Variants in ATPAF2 observed in about 807,000 individuals in gnomAD.
ATPAF2 encodes the protein ATP synthase mitochondrial F1 complex assembly factor 2.
A neutral mutation model predicts 36.6 loss-of-function variants in ATPAF2; 30 were observed. The ratio of observed to expected loss-of-function variants is 0.82; its 90% CI spans 0.61 to 1.11. ATPAF2 has a LOEUF of 1.11. ATPAF2 is among the 50% of genes most tolerant of loss of function. The probability of loss-of-function intolerance (pLI) is 0.00; values close to 1 mark genes in which losing one functional copy is unlikely to be tolerated. For synonymous variants in ATPAF2, 140 were observed against 152.6 expected, an observed-to-expected ratio of 0.92 and a Z score of 0.61; for missense variants, 321 against 372.3, an observed-to-expected ratio of 0.86 and a Z score of 1.13.
intron 1 of ATPAF2, among the ~76,000 whole-genome samples, chr17:18,034,591 T>G (rs2044679916): frequency 6.6e-6 from 1 of 152,060 alleles, no homozygotes. Context: ...CAACAAGTGT[T>G]GAGATATAGA....
At chr17:18,020,203 G>A (rs1396538344) in intron 7 of ATPAF2, among the ~76,000 whole-genome samples, 1 of 152,194 alleles carries the variant, frequency 6.6e-6, no homozygotes. Context: ...CTGCAAAGAT[G>A]GCTATAATTT....
chr17:18,019,706 C>G (rs997777296), intron 7 of ATPAF2, among the ~76,000 whole-genome samples: 1 of 152,250 alleles, frequency 6.6e-6, no homozygotes, highest in Non-Finnish European at 1.5e-5. Flanking sequence ...CCTGGCCGCC[C>G]CAGCTCATCC....
intron 7 of ATPAF2, 68 bp downstream of exon 7, chr17:18,021,055 T>C: frequency 1.3e-6 from 2 of 1,552,552 alleles, no homozygotes; most frequent in Non-Finnish European, 1.7e-6. Flanking sequence ...TTCAGATGGG[T>C]TAGCTGCTCC....
At chr17:18,036,748 A>G (rs915965854) in intron 1 of ATPAF2, among the ~76,000 whole-genome samples, 5 of 152,206 alleles carry the variant, frequency 3.3e-5, no homozygotes, top group Non-Finnish European at 2.9e-5. Context: ...AAGTGCCACC[A>G]TTATGTAAAG....
At chr17:18,037,346 T>G (rs2044717613) in intron 1 of ATPAF2, among the ~76,000 whole-genome samples, 1 of 152,110 alleles carries the variant, frequency 6.6e-6, no homozygotes, top group Admixed American at 6.5e-5. Flanking sequence ...TCCCAGCACT[T>G]TGGGAGGCCG....
chr17:18,039,056 G>C lies in ATPAF2; in HGVS notation c.-43C>G. 1 of 1,560,404 alleles carries C rather than the reference G, an allele frequency of 6.4e-7. No homozygotes were observed. Among genetic ancestry groups the C allele is most frequent in the Non-Finnish European group, 8.7e-7 (1 of 1,152,290 alleles). ...GAAGATGCGAGACGCGAAACCTGGA[G>C]CAGGAAACACAGAGCGATGGGATCC... On this transcript the variant is annotated 5_prime_UTR_variant, in exon 1 of 8. Coordinates refer to ENST00000474627, the MANE Select transcript of ATPAF2 (RefSeq NM_145691.4). This position sits in a 1 kb window ranked among gnomAD's most constrained non-coding sequence, Gnocchi z 5.3.
chr17:18,019,148 C>CACACAG (rs1491222629), intron 7 of ATPAF2, among the ~76,000 whole-genome samples: 2 of 682 alleles, frequency 2.9e-3, no homozygotes, highest in Non-Finnish European at 6.7e-3. Flanking sequence ...TCAAAAACAC[C>CACACAG]ACACACACAC....
rs190082707 is a variant in ATPAF2, at chr17:18,038,607, C to G, written c.133+274G>C. Among the ~76,000 whole-genome samples, 400 of 152,328 alleles carry G rather than the reference C, an allele frequency of 2.6e-3. 1 individual carries two copies. The highest frequency in any genetic ancestry group is 3.4e-3 in the Middle Eastern group (1 of 294). On this transcript the variant is annotated intron_variant, in intron 1 of 7. Coordinates refer to ENST00000474627, the MANE Select transcript of ATPAF2 (RefSeq NM_145691.4). ...CCCCTTTTGAAAACAAAGATGACAC[C>G]TGCTTTCCTTATTAAAGGGAGGGCA... is the stretch of plus-strand genomic sequence containing the variant.
intron 1 of ATPAF2, among the ~76,000 whole-genome samples, chr17:18,031,491 GT>G (rs985694186): frequency 5.1e-4 from 78 of 151,866 alleles, no homozygotes; most frequent in African/African-American, 1.8e-3. Context: ...AGTTTAAAGT[GT>G]TTTTTTAGGC....
intron 5 of ATPAF2, among the ~76,000 whole-genome samples, chr17:18,024,169 A>G (rs1310418691): frequency 6.6e-6 from 1 of 152,242 alleles, no homozygotes. Flanking sequence ...ACATGCATCA[A>G]TTCATTTATT....
At position 18,028,372 on chromosome 17, in the gene ATPAF2, A is replaced by G. The variant is rs1335048191; in HGVS notation, c.184T>C (p.Phe62Leu). ...NVSITQGEGG[F>L]EINLDHRKLK... ...TTCCTGTGGTCCAGGTTTATCTCAA[A>G]GCCACCTTGAAAGATCAAATGAAAA... The change falls in exon 3 of 8, where the codon TTT (phenylalanine) becomes CTT (leucine). Residue 62 changes from phenylalanine (F) to leucine (L), a missense_variant. Coordinates refer to ENST00000474627, the MANE Select transcript of ATPAF2 (RefSeq NM_145691.4). 6.2e-7 allele frequency: 1 copy of G among 1,613,928 alleles called. No individual in the cohort carries two copies. The highest frequency in any genetic ancestry group is 2.2e-5 in the East Asian group (1 of 44,892).
In ATPAF2 at chr17:18,039,164, C is replaced by T. The variant is rs2044753263; in HGVS notation, c.-151G>A. The T allele has an allele frequency of 8.8e-7, 1 of 1,136,910 alleles. No homozygotes were observed. The highest frequency in any genetic ancestry group is 1.3e-6 in the Non-Finnish European group (1 of 792,120). 70.4% of individuals were successfully genotyped at this position (1,136,910 alleles called of 1,614,324 possible). A position where few individuals can be genotyped will look rare whatever the true frequency, so the allele number is the denominator to read the frequency against. ...ACCTCCCTTGGACGCCGCCATCTTC[C>T]GCATGACACCTACGGCGCGCCGTCG... is the stretch of plus-strand genomic sequence containing the variant. On this transcript the variant is annotated 5_prime_UTR_variant, in exon 1 of 8. Transcript: ENST00000474627. The surrounding 1 kb of genome is among the most constrained non-coding windows in gnomAD (Gnocchi z 5.3).
intron 1 of ATPAF2, 30 bp from the exon 2 acceptor site, chr17:18,028,689 TTAAAA>T: frequency 6.2e-7 from 1 of 1,608,730 alleles, no homozygotes; most frequent in Non-Finnish European, 8.5e-7. Flanking sequence ...AAGAGGCAGT[TTAAAA>T]TAACGTTGAG....
downstream of ATPAF2, chr17:18,015,924 C>T (rs918968022): frequency 5.4e-5 from 44 of 809,314 alleles, no homozygotes; most frequent in Non-Finnish European, 7.4e-5. Context: ...CGGCAGAGTG[C>T]GCTGATACAA....
At chr17:18,024,152 A>C (rs2044509504) in intron 5 of ATPAF2, among the ~76,000 whole-genome samples, 1 of 152,256 alleles carries the variant, frequency 6.6e-6, no homozygotes, top group Non-Finnish European at 1.5e-5. Context: ...CAGGATGCTA[A>C]GCCTTTACAT....
downstream of ATPAF2, among the ~76,000 whole-genome samples, chr17:18,017,474 TG>T (rs1342110439): frequency 6.6e-6 from 1 of 152,226 alleles, no homozygotes; most frequent in African/African-American, 2.4e-5. Flanking sequence ...ACCACAGTGC[TG>T]GGGCCTGGGC....
chr17:18,028,681 G>A lies in ATPAF2; in HGVS notation c.134-22C>T, dbSNP rs142774834. 1.6e-5 allele frequency: 25 copies of A among 1,611,954 alleles called. No individual in the cohort carries two copies. The East Asian group carries it at 4.5e-4, about 29-fold the overall frequency. The stretch of plus-strand genomic sequence containing the variant: ...CTTTCTGTAAGAAAGATTTTTCAAA[G>A]AGGCAGTTTAAAATAACGTTGAGAC... On this transcript the variant is annotated intron_variant, in intron 1 of 7. Transcript: ENST00000474627.
At chr17:18,016,750 G>A (rs190717076), downstream of ATPAF2, 587 of 855,854 alleles carry the variant, frequency 6.9e-4, 1 homozygote, top group African/African-American at 7.0e-3. Flanking sequence ...CGCCTCACCC[G>A]CACCTCTAGA....
intron 1 of ATPAF2, among the ~76,000 whole-genome samples, chr17:18,028,966 AC>A (rs2145505252): frequency 6.6e-6 from 1 of 152,262 alleles, no homozygotes; most frequent in South Asian, 2.1e-4. Flanking sequence ...CCTCCCCACC[AC>A]CAGTGCCACC....
Sources: gnomAD v4.1 joint callset for allele counts (sites outside exome capture counted in the v4.1 genomes callset) on GRCh38, gnomAD v4.1.1 for gene constraint, Gnocchi (gnomAD v3.1) non-coding constraint, MANE v1.5 for transcripts, NCBI Gene and HGNC (gene_info 2026-07-23, HGNC 2026-07-21) for gene names.